ZC3H18: variants seen among roughly 807,000 people sequenced by gnomAD.
The protein encoded by ZC3H18 is zinc finger CCCH-type containing 18.
A neutral mutation model predicts 106.1 loss-of-function variants in ZC3H18; 8 were observed. The observed-to-expected ratio is 0.08, with a 90% CI of 0.04 to 0.14. The LOEUF (loss-of-function observed/expected upper bound fraction) is 0.14. Among genes scored for constraint, ZC3H18 ranks in the 10% least tolerant of loss-of-function variants. The pLI, the probability that ZC3H18 is intolerant of heterozygous loss-of-function variation, is 1.00. For missense variants in ZC3H18, 1,318 were observed against 1,278.4 expected, an observed-to-expected ratio of 1.03 and a Z score of -0.47; for synonymous variants, 635 against 522.1, an observed-to-expected ratio of 1.22 and a Z score of -2.95.
intron 2 of ZC3H18, among the ~76,000 whole-genome samples, chr16:88,582,816 C>T (rs924920364): frequency 7.2e-5 from 11 of 152,208 alleles, no homozygotes; most frequent in African/African-American, 2.4e-4. Flanking sequence ...CCCAAGCTGG[C>T]GTGAGGCTGC....
chr16:88,624,722 G>A lies in ZC3H18; in HGVS notation c.2019G>A (p.Arg673=), dbSNP rs1015760031. 4 of 1,612,810 alleles carry A rather than the reference G, an allele frequency of 2.5e-6. No homozygotes were observed. Among genetic ancestry groups the A allele is most frequent in the Non-Finnish European group, 3.4e-6 (4 of 1,179,748 alleles). ...CTCGGGAAGCCAGGAGGAAGGAGCGGCCAGCCAGGACCCCCCCCAGGAGGT... is the reference window on the plus strand; with the variant it reads ...CTCGGGAAGCCAGGAGGAAGGAGCGACCAGCCAGGACCCCCCCCAGGAGGT... ...GDPREARRKE[R]PARTPPRRRT... is the part of the protein sequence containing the mutation. The change falls in exon 12 of 18, where the codon CGG becomes CGA. Residue 673 remains arginine (R), a synonymous_variant. Coordinates refer to ENST00000301011, the MANE Select transcript of ZC3H18 (RefSeq NM_144604.4).
intron 2 of ZC3H18, among the ~76,000 whole-genome samples, chr16:88,580,817 A>G (rs1915081994): frequency 6.6e-6 from 1 of 152,122 alleles, no homozygotes; most frequent in African/African-American, 2.4e-5. Flanking sequence ...CGTGTGGTGC[A>G]AAGTGTCCGT....
At chr16:88,590,431 G>A (rs1364798462) in intron 3 of ZC3H18, among the ~76,000 whole-genome samples, 4 of 152,268 alleles carry the variant, frequency 2.6e-5, no homozygotes, top group African/African-American at 9.6e-5. Flanking sequence ...CACTACAACT[G>A]GAGCTGTACT....
chr16:88,597,452 G>C (rs1904498930), intron 3 of ZC3H18, among the ~76,000 whole-genome samples: 1 of 152,080 alleles, frequency 6.6e-6, no homozygotes, highest in South Asian at 2.1e-4. Flanking sequence ...GCCATATTTG[G>C]TTTTAAACAA....
At chr16:88,609,252 T>C (rs1905160217) in intron 7 of ZC3H18, 1 of 374,030 alleles carries the variant, frequency 2.7e-6, no homozygotes, top group African/African-American at 2.1e-5. Context: ...AACAAAGACT[T>C]GCCTGAAAAC....
chr16:88,599,652 C>A, intron 5 of ZC3H18, 139 bp from the exon 6 acceptor site: 1 of 1,028,136 alleles, frequency 9.7e-7, no homozygotes, highest in Non-Finnish European at 1.4e-6. Flanking sequence ...GTCCGCCCCT[C>A]ACCCCTTGAG....
At chr16:88,624,399 G>A in intron 11 of ZC3H18, 2 of 823,486 alleles carry the variant, frequency 2.4e-6, no homozygotes, top group East Asian at 2.7e-5. Context: ...AGGGGAGCCT[G>A]GAAGGGCTGC....
At chr16:88,601,469 C>A (rs759541248) in intron 6 of ZC3H18, among the ~76,000 whole-genome samples, 2 of 152,102 alleles carry the variant, frequency 1.3e-5, no homozygotes, top group Non-Finnish European at 2.9e-5. Flanking sequence ...GAGCAGGGAC[C>A]GGAAAACTGC....
At chr16:88,600,079 C>A in intron 6 of ZC3H18, 131 bp downstream of exon 6, 1 of 1,190,634 alleles carries the variant, frequency 8.4e-7, no homozygotes, top group Non-Finnish European at 1.2e-6. Context: ...GTCTCAGTGA[C>A]GTTCCTGAGA....
chr16:88,602,809 T>G (rs1904816144), intron 6 of ZC3H18, among the ~76,000 whole-genome samples: 1 of 152,184 alleles, frequency 6.6e-6, no homozygotes, highest in African/African-American at 2.4e-5. Flanking sequence ...CACCTGATGT[T>G]GAGTTTTGCA....
chr16:88,611,746 C>T (rs1905286365), intron 8 of ZC3H18, among the ~76,000 whole-genome samples: 1 of 152,252 alleles, frequency 6.6e-6, no homozygotes, highest in Non-Finnish European at 1.5e-5. Context: ...GTGACATCTG[C>T]CCTGAGCTCC....
intron 3 of ZC3H18, among the ~76,000 whole-genome samples, chr16:88,589,108 T>A (rs181648975): frequency 1.9e-3 from 288 of 152,326 alleles, no homozygotes; most frequent in Non-Finnish European, 2.9e-3. Flanking sequence ...TTATATGAAA[T>A]TGAAATTCTT....
intron 8 of ZC3H18, 94 bp downstream of exon 8, chr16:88,611,630 C>G (rs11647611): frequency 0.51 from 757,105 of 1,470,256 alleles, 197,407 homozygotes; most frequent in African/African-American, 0.64. Context: ...CCTCTGTGGC[C>G]CACAGCTCTG....
chr16:88,576,508 C>T (rs1203018751), intron 1 of ZC3H18, among the ~76,000 whole-genome samples: 1 of 152,120 alleles, frequency 6.6e-6, no homozygotes, highest in African/African-American at 2.4e-5. Flanking sequence ...GGCCAGTGAA[C>T]ACGCAGGCAG....
Position 88,624,668 on chromosome 16 carries a change from T to C in ZC3H18, c.1965T>C (p.Pro655=), listed in dbSNP as rs566242727. The change falls in exon 12 of 18, where the codon CCT becomes CCC. Residue 655 remains proline, a synonymous_variant. Transcript: ENST00000301011. ...CACAGGCCACCAAAACCACTGCTCCTGTCCCCGAGCCCACCAAGCCAGGAG... is the reference window on the plus strand; with the variant it reads ...CACAGGCCACCAAAACCACTGCTCCCGTCCCCGAGCCCACCAAGCCAGGAG... ...APPQATKTTA[P]VPEPTKPGDP... 3.1e-6 allele frequency: 5 copies of C among 1,613,858 alleles called. No homozygotes were observed. The highest frequency in any genetic ancestry group is 4.5e-5 in the East Asian group (2 of 44,866).
chr16:88,612,547 T>C lies in ZC3H18; in HGVS notation c.1475+1011T>C, dbSNP rs918374508. 4.0e-5 allele frequency among the ~76,000 whole-genome samples: 6 copies of C among 149,964 alleles called. No individual in the cohort carries two copies. The East Asian group carries it at 1.2e-3, about 29-fold the overall frequency. ...TAAAAATTAGCTGGGGGAGGTGGCA[T>C]GAGCCTGTGGTCCCAGCTACTCGGG... On this transcript the variant is annotated intron_variant, in intron 8 of 17. Coordinates refer to ENST00000301011, the MANE Select transcript of ZC3H18 (RefSeq NM_144604.4).
chr16:88,587,445 TTTCTC>T, intron 3 of ZC3H18: 2 of 1,060,266 alleles, frequency 1.9e-6, no homozygotes, highest in Non-Finnish European at 2.7e-6. Flanking sequence ...GTTTTTCTCT[TTTCTC>T]TTAATTTTGC....
chr16:88,608,833 C>G, intron 6 of ZC3H18, 101 bp from the exon 7 acceptor site: 2 of 975,512 alleles, frequency 2.1e-6, no homozygotes, highest in South Asian at 3.3e-5. Context: ...GTAAACCCCA[C>G]TGCGTCACGG....
chr16:88,630,472 AC>A lies in ZC3H18; in HGVS notation c.2567-11del. The A allele has an allele frequency of 6.2e-7, 1 of 1,610,892 alleles. No homozygotes were observed. The highest frequency in any genetic ancestry group is 8.5e-7 in the Non-Finnish European group (1 of 1,178,484). ...CATCAGGAGGGTGGTCTCACTCTGT[AC>A]CTATCACCCAGGTTCTCGGGACCGG... On this transcript the variant is annotated splice_polypyrimidine_tract_variant and intron_variant, in intron 16 of 17. Coordinates refer to ENST00000301011, the MANE Select transcript of ZC3H18 (RefSeq NM_144604.4).
Sources: allele counts gnomAD v4.1 joint callset (sites outside exome capture counted in the v4.1 genomes callset), GRCh38; gene constraint gnomAD v4.1.1; transcripts MANE v1.5; gene names NCBI Gene and HGNC (gene_info 2026-07-23, HGNC 2026-07-21).